GRM7: variants seen among roughly 807,000 people sequenced by gnomAD.
The protein encoded by GRM7 is glutamate metabotropic receptor 7.
A neutral mutation model predicts 84.5 loss-of-function variants in GRM7; 35 were observed. The observed-to-expected ratio is 0.41, with a 90% CI of 0.32 to 0.55. GRM7 has a LOEUF of 0.55. Among genes scored for constraint, GRM7 ranks in the 20% least tolerant of loss-of-function variants. GRM7 has a pLI of 0.19. For missense variants in GRM7, 1,003 were observed against 1,194.6 expected (o/e 0.84, Z 2.36); for synonymous variants, 487 against 455.1 (o/e 1.07, Z -0.89).
chr3:7,730,157 A>ATGAG (rs1702266807), intron 9 of GRM7, among the ~76,000 whole-genome samples: 1 of 149,982 alleles, frequency 6.7e-6, no homozygotes, highest in Non-Finnish European at 1.5e-5. Flanking sequence ...ACAGGCGCCC[A>ATGAG]CCACCACACC....
chr3:7,693,252 C>T (rs1700877745), intron 9 of GRM7, among the ~76,000 whole-genome samples: 1 of 152,102 alleles, frequency 6.6e-6, no homozygotes, highest in Admixed American at 6.6e-5. Context: ...CTCACCTCTG[C>T]TTAAGGTAAT....
chr3:7,373,047 GA>G (rs1415057751), intron 4 of GRM7, among the ~76,000 whole-genome samples: 1 of 152,060 alleles, frequency 6.6e-6, no homozygotes. Context: ...GTGGAATTAT[GA>G]TCCACTTATT....
intron 4 of GRM7, among the ~76,000 whole-genome samples, chr3:7,318,049 A>C (rs774570247): frequency 2.6e-5 from 4 of 152,096 alleles, no homozygotes; most frequent in Non-Finnish European, 5.9e-5. Context: ...AAATAAATCT[A>C]CAAACCGAGT....
At chr3:7,480,854 C>A (rs887452588) in intron 7 of GRM7, among the ~76,000 whole-genome samples, 11 of 152,124 alleles carry the variant, frequency 7.2e-5, no homozygotes, top group Non-Finnish European at 1.3e-4. Flanking sequence ...AGTTGTGGAC[C>A]ACACTTTGAG....
At chr3:7,379,116 G>C (rs139980832) in intron 4 of GRM7, among the ~76,000 whole-genome samples, 1 of 151,930 alleles carries the variant, frequency 6.6e-6, no homozygotes, top group Non-Finnish European at 1.5e-5. Flanking sequence ...TCTGTTGCTC[G>C]GGCTGGAGTG....
At chr3:7,359,329 T>C (rs1693559982) in intron 4 of GRM7, among the ~76,000 whole-genome samples, 1 of 125,108 alleles carries the variant, frequency 8.0e-6, no homozygotes, top group Non-Finnish European at 1.6e-5. Flanking sequence ...TCACCCCTCC[T>C]CCTCTTTTTT....
At chr3:6,973,790 G>A (rs1156838708) in intron 1 of GRM7, among the ~76,000 whole-genome samples, 2 of 152,194 alleles carry the variant, frequency 1.3e-5, no homozygotes, top group Admixed American at 1.3e-4. Flanking sequence ...AAGGGAATGT[G>A]AAAGGAGATG....
chr3:7,384,122 G>A (rs772792945), intron 4 of GRM7, among the ~76,000 whole-genome samples: 12 of 152,104 alleles, frequency 7.9e-5, no homozygotes, highest in East Asian at 5.8e-4. Context: ...TCCACCTCCC[G>A]GGTTCAAGCG....
At chr3:7,172,803 C>T (rs547513630) in intron 2 of GRM7, among the ~76,000 whole-genome samples, 2 of 152,110 alleles carry the variant, frequency 1.3e-5, no homozygotes, top group Admixed American at 6.6e-5. Context: ...AAGTAGTGAA[C>T]TATGGATGTT....
In GRM7 at chr3:7,688,353, G is replaced by C. The variant is rs193092185; in HGVS notation, c.2698+8058G>C. On this transcript the variant is annotated intron_variant, in intron 9 of 9. Coordinates refer to ENST00000357716, the MANE Select transcript of GRM7 (RefSeq NM_000844.4). ...AGGGGAATAATTGCTTAATAATGTG[G>C]ACTGGTCTGTTTCCTATGTCAATAT... is the stretch of plus-strand genomic sequence containing the variant. Among the ~76,000 whole-genome samples the C allele has an allele frequency of 3.9e-5, 6 of 152,096 alleles. No individual in the cohort carries two copies. In the East Asian group the frequency reaches 1.2e-3, roughly 29 times the overall value.
chr3:7,236,402 G>C (rs1263146125), intron 2 of GRM7, among the ~76,000 whole-genome samples: 5 of 152,174 alleles, frequency 3.3e-5, no homozygotes, highest in Non-Finnish European at 4.4e-5. Context: ...GGAAGTAGTA[G>C]ATTGGTTATG....
intron 1 of GRM7, among the ~76,000 whole-genome samples, chr3:7,098,807 G>A (rs182312292): frequency 6.6e-6 from 1 of 151,922 alleles, no homozygotes; most frequent in African/African-American, 2.4e-5. Flanking sequence ...TAGAATGTCA[G>A]GTTATGCGTC....
chr3:7,034,631 A>C (rs1480411922), intron 1 of GRM7, among the ~76,000 whole-genome samples: 1 of 152,198 alleles, frequency 6.6e-6, no homozygotes, highest in African/African-American at 2.4e-5. Flanking sequence ...TCCTATCAAA[A>C]ATTATGATTT....
intron 2 of GRM7, among the ~76,000 whole-genome samples, chr3:7,210,962 C>T (rs1696404274): frequency 6.6e-6 from 1 of 152,134 alleles, no homozygotes; most frequent in Non-Finnish European, 1.5e-5. Flanking sequence ...AAGTCTCTAT[C>T]CCTGGTGGTG....
At chr3:7,083,958 G>A (rs1698358404) in intron 1 of GRM7, among the ~76,000 whole-genome samples, 1 of 152,108 alleles carries the variant, frequency 6.6e-6, no homozygotes, top group South Asian at 2.1e-4. Context: ...ATCCTTCAGT[G>A]TAGCTGGGGA....
intron 7 of GRM7, among the ~76,000 whole-genome samples, chr3:7,467,919 G>A (rs1195342901): frequency 6.6e-6 from 1 of 152,094 alleles, no homozygotes; most frequent in African/African-American, 2.4e-5. Context: ...TTAAACTGAG[G>A]TGATTCAAAT....
chr3:7,495,119 G>A (rs543970096), intron 7 of GRM7, among the ~76,000 whole-genome samples: 119 of 152,224 alleles, frequency 7.8e-4, no homozygotes, highest in African/African-American at 2.7e-3. Flanking sequence ...GTGGGTGTTG[G>A]CCTGCTTCTG....
chr3:7,687,314 A>T (rs1700623900), intron 9 of GRM7, among the ~76,000 whole-genome samples: 1 of 152,298 alleles, frequency 6.6e-6, no homozygotes, highest in Middle Eastern at 3.4e-3. Flanking sequence ...ATGCTTTTAT[A>T]TTGCTTTAGG....
intron 1 of GRM7, among the ~76,000 whole-genome samples, chr3:7,075,296 C>T (rs1051632839): frequency 2.6e-5 from 4 of 152,142 alleles, no homozygotes; most frequent in African/African-American, 9.7e-5. Flanking sequence ...AAATGGGAAG[C>T]AGCATCAGCT....
Sources: gnomAD v4.1 joint callset for allele counts (sites outside exome capture counted in the v4.1 genomes callset) on GRCh38, gnomAD v4.1.1 for gene constraint, MANE v1.5 for transcripts, NCBI Gene and HGNC (gene_info 2026-07-23, HGNC 2026-07-21) for gene names.